The following EYS variants were observed in gnomAD, a reference collection of about 807,000 sequenced individuals.
EYS encodes EGF-like photoreceptor maintenance factor.
A neutral mutation model predicts 282.1 loss-of-function variants in EYS; 250 were observed. The observed-to-expected ratio is 0.89, with a 90% CI of 0.80 to 0.98. The LOEUF (loss-of-function observed/expected upper bound fraction) is 0.98, where lower values mean the gene tolerates loss of function less well. EYS is among the 50% of genes least tolerant of loss of function. EYS has a pLI of 0.00. For synonymous variants in EYS, 1,355 were observed against 1,282.9 expected (o/e 1.06, Z -1.20); for missense variants, 4,016 against 3,709.0 (o/e 1.08, Z -2.15).
intron 12 of EYS, among the ~76,000 whole-genome samples, chr6:65,147,990 C>T (rs977430765): frequency 2.6e-5 from 4 of 152,046 alleles, no homozygotes; most frequent in African/African-American, 7.2e-5. Flanking sequence ...CCCTATGAGC[C>T]AATCACTTCC....
intron 22 of EYS, among the ~76,000 whole-genome samples, chr6:64,680,083 GAA>G (rs994916939): frequency 2.0e-5 from 3 of 149,386 alleles, no homozygotes. Flanking sequence ...CTAGATGATG[GAA>G]AAAAAAACCT....
intron 22 of EYS, among the ~76,000 whole-genome samples, chr6:64,796,583 A>AT (rs1774360438): frequency 6.6e-6 from 1 of 152,106 alleles, no homozygotes; most frequent in South Asian, 2.1e-4. Flanking sequence ...AATTCTGCCA[A>AT]TTTTTCTGGA....
At position 65,314,878 on chromosome 6, in the gene EYS, T is replaced by C. The variant is rs1409685833; in HGVS notation, c.1767-18759A>G. ...ACAATCCCATACAGAAGGGTCACTG[T>C]TTATATTTCTCCAAAGCCTGGTCAA... is the stretch of plus-strand genomic sequence containing the variant. On this transcript the variant is annotated intron_variant, in intron 11 of 42. Transcript: ENST00000503581. Among the ~76,000 whole-genome samples, 3 of 152,108 alleles carry C rather than the reference T, an allele frequency of 2.0e-5. No homozygotes were observed. In the East Asian group the frequency reaches 5.8e-4, roughly 29 times the overall value.
chr6:65,591,064 A>G (rs950105985), intron 2 of EYS, among the ~76,000 whole-genome samples: 3 of 152,034 alleles, frequency 2.0e-5, no homozygotes, highest in Admixed American at 2.0e-4. Flanking sequence ...CTTTTTTCCA[A>G]AATGGCTGCA....
chr6:65,034,020 G>T (rs141446250), intron 13 of EYS, among the ~76,000 whole-genome samples: 1 of 152,146 alleles, frequency 6.6e-6, no homozygotes. Context: ...CTAGATGCAG[G>T]ATATGGAGGC....
chr6:65,278,697 T>C (rs1291901623), intron 12 of EYS, among the ~76,000 whole-genome samples: 2 of 152,134 alleles, frequency 1.3e-5, no homozygotes, highest in Admixed American at 6.5e-5. Flanking sequence ...TTATCATTTG[T>C]TGCTGACTCT....
At chr6:65,389,815 C>A (rs899896617) in intron 7 of EYS, among the ~76,000 whole-genome samples, 1 of 151,768 alleles carries the variant, frequency 6.6e-6, no homozygotes, top group Non-Finnish European at 1.5e-5. Context: ...AAGAGTTTAA[C>A]GGTAGGATGA....
rs1304096306 is a variant in EYS at position 64,085,336 on chromosome 6, G to GCACACACACACACACACA, written c.6425-3335_6425-3334insTGTGTGTGTGTGTGTGTG. On this transcript the variant is annotated intron_variant, in intron 31 of 42. Coordinates refer to ENST00000503581, the MANE Select transcript of EYS (RefSeq NM_001142800.2). The stretch of plus-strand genomic sequence containing the variant: ...CAGACGCGCGCGCGTGCGCACGTGC[G>GCACACACACACACACACA]CGCGCACACACACACACACACACAC... 3.9e-5 allele frequency among the ~76,000 whole-genome samples: 3 copies of GCACACACACACACACACA among 76,690 alleles called. No homozygotes were observed. The East Asian group carries it at 1.5e-3, about 37-fold the overall frequency. 50.3% of individuals were successfully genotyped at this position (76,690 alleles called of 152,430 possible). A position where few individuals can be genotyped will look rare whatever the true frequency, so the allele number is the denominator to read the frequency against.
chr6:64,519,357 G>A (rs147466903), intron 26 of EYS, among the ~76,000 whole-genome samples: 4 of 151,908 alleles, frequency 2.6e-5, no homozygotes, highest in African/African-American at 7.2e-5. Context: ...TGTGTAAGTC[G>A]TTGTAAGTCT....
At chr6:64,095,494 T>C (rs1345601484) in intron 31 of EYS, among the ~76,000 whole-genome samples, 1 of 152,164 alleles carries the variant, frequency 6.6e-6, no homozygotes, top group East Asian at 1.9e-4. Context: ...AATTGATCCC[T>C]TTACCATTAT....
At chr6:64,443,457 C>T (rs1258400356) in intron 26 of EYS, among the ~76,000 whole-genome samples, 1 of 151,976 alleles carries the variant, frequency 6.6e-6, no homozygotes, top group Non-Finnish European at 1.5e-5. Flanking sequence ...TGGGAAGGCA[C>T]AATTGGTTTT....
At chr6:64,161,802 G>A (rs560034736) in intron 31 of EYS, among the ~76,000 whole-genome samples, 4 of 152,256 alleles carry the variant, frequency 2.6e-5, no homozygotes, top group African/African-American at 4.8e-5. Flanking sequence ...GTATATAGGT[G>A]GAGAGCTGGT....
At chr6:64,058,174 GC>G (rs932838361) in intron 33 of EYS, among the ~76,000 whole-genome samples, 1 of 151,848 alleles carries the variant, frequency 6.6e-6, no homozygotes, top group Non-Finnish European at 1.5e-5. Context: ...TGTCTTGCCT[GC>G]CACCATGTAA....
chr6:65,327,197 T>G (rs1769646291), intron 11 of EYS, among the ~76,000 whole-genome samples: 1 of 151,670 alleles, frequency 6.6e-6, no homozygotes. Flanking sequence ...ATATCAAGTC[T>G]GTAGTTCCAG....
intron 31 of EYS, among the ~76,000 whole-genome samples, chr6:64,199,228 A>AT: frequency 6.6e-6 from 1 of 152,210 alleles, no homozygotes; most frequent in Non-Finnish European, 1.5e-5. Flanking sequence ...ACTGGTACCA[A>AT]AACAGATATA....
At chr6:64,235,247 A>G (rs1381317300) in intron 30 of EYS, among the ~76,000 whole-genome samples, 4 of 64,974 alleles carry the variant, frequency 6.2e-5, no homozygotes, top group East Asian at 4.5e-4. Context: ...CCCTCCCCCT[A>G]CCCCACAACA....
intron 37 of EYS, among the ~76,000 whole-genome samples, chr6:63,801,024 A>G (rs1424810198): frequency 6.6e-6 from 1 of 152,202 alleles, no homozygotes; most frequent in Non-Finnish European, 1.5e-5. Context: ...ACCAAAGGAG[A>G]TTGTGCAAAT....
rs549039700 is a variant in EYS at position 64,889,209 on chromosome 6, T to C, written c.2847-2367A>G. ...TTTTGAAAATCAGAAAATCATAACA[T>C]CCCTTGTCTTTTGCTCCCCAAATTT... is the stretch of plus-strand genomic sequence containing the variant. On this transcript the variant is annotated intron_variant, in intron 18 of 42. Transcript: ENST00000503581. Among the ~76,000 whole-genome samples, 6 of 152,154 alleles carry C rather than the reference T, an allele frequency of 3.9e-5. No homozygotes were observed. The East Asian group carries it at 1.2e-3, about 29-fold the overall frequency.
chr6:65,254,466 T>C (rs1319858259), intron 12 of EYS, among the ~76,000 whole-genome samples: 1 of 151,854 alleles, frequency 6.6e-6, no homozygotes, highest in Non-Finnish European at 1.5e-5. Flanking sequence ...AGAATGTTAA[T>C]TATGAAAAGA....
Sources: allele counts gnomAD v4.1 joint callset (sites outside exome capture counted in the v4.1 genomes callset), GRCh38; gene constraint gnomAD v4.1.1; transcripts MANE v1.5; gene names NCBI Gene and HGNC (gene_info 2026-07-23, HGNC 2026-07-21).